The following ARHGAP29 variants were observed in gnomAD, a reference collection of about 807,000 sequenced individuals.
ARHGAP29 encodes the protein Rho GTPase activating protein 29.
In ARHGAP29, 43 loss-of-function variants were observed where a neutral mutation model predicts 122.6. That is an observed-to-expected ratio of 0.35 (90% CI 0.27 to 0.45). ARHGAP29 has a LOEUF of 0.45. Ranked by LOEUF, ARHGAP29 falls within the 20% of genes least tolerant of loss-of-function variation. The probability of loss-of-function intolerance (pLI) is 1.00; values close to 1 mark genes in which losing one functional copy is unlikely to be tolerated. For synonymous variants in ARHGAP29, 506 were observed against 497.1 expected, an observed-to-expected ratio of 1.02 and a Z score of -0.24; for missense variants, 1,303 against 1,477.2, an observed-to-expected ratio of 0.88 and a Z score of 1.93.
rs538460428 is a variant in ARHGAP29, at chr1:94,178,409, C to CCAG, written c.2481-245_2481-243dup. Among the ~76,000 whole-genome samples the CCAG allele has an allele frequency of 3.9e-5, 6 of 152,182 alleles. No individual in the cohort carries two copies. In the South Asian group the frequency reaches 1.2e-3, roughly 32 times the overall value. ...AGTAGAAGGAACTACTATAGTTTTA[C>CCAG]CAGCAGAAAGAAAAAATACCCCTAA... On this transcript the variant is annotated intron_variant, in intron 20 of 22. Transcript: ENST00000260526.
At chr1:94,274,034 G>A (rs1655094095) in intron 1 of ARHGAP29, among the ~76,000 whole-genome samples, 1 of 152,176 alleles carries the variant, frequency 6.6e-6, no homozygotes, top group African/African-American at 2.4e-5. Context: ...AACGCTGTAA[G>A]ACAGGGTGTC....
At position 94,203,159 on chromosome 1, in the gene ARHGAP29, C is replaced by T; in HGVS notation, c.814G>A (p.Glu272Lys). The T allele has an allele frequency of 1.2e-6, 2 of 1,613,372 alleles. No individual in the cohort carries two copies. The highest frequency in any genetic ancestry group is 1.7e-6 in the Non-Finnish European group (2 of 1,179,776). The change falls in exon 9 of 23, where the codon GAA (glutamate) becomes AAA (lysine). Residue 272 changes from glutamate (E) to lysine (K), a missense_variant. Coordinates refer to ENST00000260526, the MANE Select transcript of ARHGAP29 (RefSeq NM_004815.4). Reference sequence around the variant, plus strand: ...GTTTGTTGTAAAAGGTGACTGCTTTCTATATCATTAAGAAGAGCATTAGTA... The same window carrying T: ...GTTTGTTGTAAAAGGTGACTGCTTTTTATATCATTAAGAAGAGCATTAGTA... ...LFTNALLNDI[E>K]SSHLLQQTIA...
the ARHGAP29 span, among the ~76,000 whole-genome samples, chr1:94,298,515 T>C: frequency 6.6e-6 from 1 of 152,218 alleles, no homozygotes; most frequent in South Asian, 2.1e-4. Context: ...TCAAGTGGTC[T>C]CTCAATTTCT....
chr1:94,232,766 T>C (rs1653003866), intron 1 of ARHGAP29, among the ~76,000 whole-genome samples: 1 of 152,148 alleles, frequency 6.6e-6, no homozygotes, highest in South Asian at 2.1e-4. Flanking sequence ...AGTTCTAATC[T>C]TGTTTGTATC....
chr1:94,183,709 A>G (rs1191681277), intron 19 of ARHGAP29, among the ~76,000 whole-genome samples: 2 of 152,186 alleles, frequency 1.3e-5, no homozygotes, highest in African/African-American at 4.8e-5. Flanking sequence ...TACTTACTTC[A>G]TATAACTGTG....
chr1:94,174,243 C>A lies in ARHGAP29; in HGVS notation c.3412G>T (p.Ala1138Ser), dbSNP rs890306926. Residue 1138 changes from alanine to serine, a missense_variant, in exon 23 of 23, where the codon GCA becomes TCA. Coordinates refer to ENST00000260526, the MANE Select transcript of ARHGAP29 (RefSeq NM_004815.4). The part of the protein sequence containing the change: ...YAEPVRSVRE[A>S]SERRSSDSYP... ...GAATCTGAAGACCGTCTCTCAGATGCCTCTCTCACTGACCTGACTGGCTCT... is the reference window on the plus strand; with the variant it reads ...GAATCTGAAGACCGTCTCTCAGATGACTCTCTCACTGACCTGACTGGCTCT... 6.2e-7 allele frequency: 1 copy of A among 1,614,180 alleles called. No homozygotes were observed. The highest frequency in any genetic ancestry group is 1.7e-5 in the Admixed American group (1 of 60,022).
At chr1:94,185,653 G>C (rs2101404775) in intron 16 of ARHGAP29, among the ~76,000 whole-genome samples, 172 bp from the exon 17 acceptor site, 1 of 152,232 alleles carries the variant, frequency 6.6e-6, no homozygotes, top group East Asian at 1.9e-4. Flanking sequence ...CTAATTTATA[G>C]ATCTCTTAAA....
At chr1:94,236,545 T>C (rs1049096982) in intron 1 of ARHGAP29, among the ~76,000 whole-genome samples, 3 of 152,120 alleles carry the variant, frequency 2.0e-5, no homozygotes, top group Non-Finnish European at 2.9e-5. Context: ...TAGCAGGTAA[T>C]ATCCTGCCCT....
At chr1:94,276,685 G>A (rs979544046), upstream of ARHGAP29, among the ~76,000 whole-genome samples, 1 of 150,468 alleles carries the variant, frequency 6.6e-6, no homozygotes, top group Non-Finnish European at 1.5e-5. Flanking sequence ...GGAGGCTGAG[G>A]TGGGAAGATC....
At chr1:94,298,014 A>T in the ARHGAP29 span, among the ~76,000 whole-genome samples, 9 of 152,230 alleles carry the variant, frequency 5.9e-5, no homozygotes, top group Non-Finnish European at 8.8e-5. Flanking sequence ...TTTCTCTGAG[A>T]TGCCATTTTC....
At chr1:94,253,547 G>A (rs1444719884) in intron 1 of ARHGAP29, among the ~76,000 whole-genome samples, 1 of 151,940 alleles carries the variant, frequency 6.6e-6, no homozygotes, top group African/African-American at 2.4e-5. Context: ...AAAAATTATG[G>A]CCCTAAACAA....
intron 1 of ARHGAP29, among the ~76,000 whole-genome samples, chr1:94,273,129 T>C (rs1025812842): frequency 1.3e-5 from 2 of 152,130 alleles, no homozygotes; most frequent in Non-Finnish European, 2.9e-5. Context: ...GGATTGAAAG[T>C]GGGGGTTGCC....
At chr1:94,202,420 A>C (rs2101505856) in intron 11 of ARHGAP29, 124 bp downstream of exon 11, 1 of 1,141,918 alleles carries the variant, frequency 8.8e-7, no homozygotes, top group East Asian at 2.4e-5. Context: ...ACTCTGGGGG[A>C]TGGGCTTAGC....
chr1:94,307,470 GA>G, the ARHGAP29 span, among the ~76,000 whole-genome samples: 1 of 152,060 alleles, frequency 6.6e-6, no homozygotes, highest in Non-Finnish European at 1.5e-5. Flanking sequence ...ACACTGTCCA[GA>G]AAAGTAAATA....
At chr1:94,295,540 T>C in the ARHGAP29 span, among the ~76,000 whole-genome samples, 6 of 152,152 alleles carry the variant, frequency 3.9e-5, no homozygotes, top group Non-Finnish European at 7.4e-5. Context: ...AGATCTAGGA[T>C]GTAATTTAGA....
the ARHGAP29 span, among the ~76,000 whole-genome samples, chr1:94,300,209 C>T: frequency 1.3e-5 from 2 of 152,164 alleles, no homozygotes; most frequent in Non-Finnish European, 2.9e-5. Flanking sequence ...TGTGGATATT[C>T]CTTAACTATT....
chr1:94,252,386 AG>A (rs1256479080), intron 1 of ARHGAP29, among the ~76,000 whole-genome samples: 2 of 152,224 alleles, frequency 1.3e-5, no homozygotes, highest in African/African-American at 4.8e-5. Flanking sequence ...GTAAAAGTGA[AG>A]CCTCTGGTCA....
intron 1 of ARHGAP29, among the ~76,000 whole-genome samples, chr1:94,268,916 G>T (rs1333180430): frequency 6.6e-6 from 1 of 151,984 alleles, no homozygotes; most frequent in Non-Finnish European, 1.5e-5. Flanking sequence ...ATTTTTGTAT[G>T]TATGTATATA....
chr1:94,271,036 G>T (rs1371472095), intron 1 of ARHGAP29, among the ~76,000 whole-genome samples: 1 of 152,204 alleles, frequency 6.6e-6, no homozygotes, highest in Non-Finnish European at 1.5e-5. Context: ...CTGCAACCAA[G>T]ATGTTGGCTG....
Sources: allele counts gnomAD v4.1 joint callset (sites outside exome capture counted in the v4.1 genomes callset), GRCh38; gene constraint gnomAD v4.1.1; transcripts MANE v1.5; gene names NCBI Gene and HGNC (gene_info 2026-07-23, HGNC 2026-07-21).